The following PRPF40B variants were observed in gnomAD, a reference collection of about 807,000 sequenced individuals.
The protein encoded by PRPF40B is pre-mRNA-processing factor 40 homolog B.
Under a neutral mutation model 124.5 loss-of-function variants are expected in PRPF40B, and 56 were observed. The ratio of observed to expected loss-of-function variants is 0.45; its 90% CI spans 0.36 to 0.56. PRPF40B has a LOEUF of 0.56. PRPF40B is among the 20% of genes least tolerant of loss of function. The pLI is 0.00. For synonymous variants in PRPF40B, 443 were observed against 426.4 expected (o/e 1.04, Z -0.48); for missense variants, 1,053 against 1,169.5 (o/e 0.90, Z 1.45).
intron 1 of PRPF40B, among the ~76,000 whole-genome samples, chr12:49,624,919 G>A (rs1194835477): frequency 6.6e-6 from 1 of 152,110 alleles, no homozygotes; most frequent in Non-Finnish European, 1.5e-5. Flanking sequence ...AGGAAGAGTA[G>A]GGCTGGTCCA....
chr12:49,633,354 G>A (rs1394638015), intron 7 of PRPF40B, 73 bp from the exon 8 acceptor site: 1 of 1,595,556 alleles, frequency 6.3e-7, no homozygotes, highest in Non-Finnish European at 8.6e-7. Flanking sequence ...TACTCACTAG[G>A]TCCCCTTAGC....
intron 15 of PRPF40B, 40 bp downstream of exon 15, chr12:49,636,033 T>C (rs1941761430): frequency 6.2e-7 from 1 of 1,610,348 alleles, no homozygotes; most frequent in Admixed American, 1.7e-5. Context: ...CCTTTCCCTT[T>C]CTTTACTGGA....
At position 49,642,314 on chromosome 12, in the gene PRPF40B, T is replaced by C. The variant is rs1460013196; in HGVS notation, c.1964T>C (p.Phe655Ser). Residue 655 changes from phenylalanine to serine, a missense_variant, in exon 20 of 26, where the codon TTT becomes TCT. Physicochemically the swap from Phe to Ser is radical, Grantham distance 155 (BLOSUM62 -2). Coordinates refer to ENST00000548825, the MANE Select transcript of PRPF40B (RefSeq NM_001031698.3). The surrounding 1 kb of genome is among the most constrained non-coding windows in gnomAD (Gnocchi z 5.8). ...ARRMRRREAAFRSMLRQAVPA... is the reference protein window; with the variant it reads ...ARRMRRREAASRSMLRQAVPA... ...AGGATGCGGCGCAGGGAAGCTGCCTTTCGAAGCATGCTGAGGCAGGCTGTG... is the reference window on the plus strand; with the variant it reads ...AGGATGCGGCGCAGGGAAGCTGCCTCTCGAAGCATGCTGAGGCAGGCTGTG... 1 of 1,614,130 alleles carries C rather than the reference T, an allele frequency of 6.2e-7. No individual in the cohort carries two copies.
chr12:49,631,756 G>A lies in PRPF40B; in HGVS notation c.229-104G>A. 2 of 1,307,872 alleles carry A rather than the reference G, an allele frequency of 1.5e-6. No homozygotes were observed. The highest frequency in any genetic ancestry group is 1.5e-5 in the African/African-American group (1 of 68,762). The allele number at this position is 1,307,872 out of a possible 1,614,324, so 81.0% of individuals were successfully genotyped here. On this transcript the variant is annotated intron_variant, in intron 3 of 25. Transcript: ENST00000548825. The surrounding 1 kb of genome is among the most constrained non-coding windows in gnomAD (Gnocchi z 4.3). ...TTGCCTGAGGAAGTGCCCAAGTGAG[G>A]GTCATGGCTCCAGTGAGATGTCTCA...
chr12:49,632,996 G>GCA lies in PRPF40B; in HGVS notation c.349-17_349-16insAC. 1 of 1,147,382 alleles carries GCA rather than the reference G, an allele frequency of 8.7e-7. No homozygotes were observed. Among genetic ancestry groups the GCA allele is most frequent in the Non-Finnish European group, 1.2e-6 (1 of 823,006 alleles). 71.1% of individuals were successfully genotyped at this position (1,147,382 alleles called of 1,614,324 possible). A position where few individuals can be genotyped will look rare whatever the true frequency, so the allele number is the denominator to read the frequency against. On this transcript the variant is annotated splice_polypyrimidine_tract_variant and intron_variant, in intron 6 of 25. Transcript: ENST00000548825. ...AAAGGGGCCTTGACCACCATTCTGT[G>GCA]CCCCCCCCCCCACCCAGAGGGCCCT... is the stretch of plus-strand genomic sequence containing the variant.
At chr12:49,633,605 G>A (rs1941457744) in intron 8 of PRPF40B, 32 bp from the exon 9 acceptor site, 1 of 1,614,120 alleles carries the variant, frequency 6.2e-7, no homozygotes, top group African/African-American at 1.3e-5. Context: ...TATTGCCCCT[G>A]TGACTGACTG....
At chr12:49,637,851 A>T in intron 18 of PRPF40B, 27 bp downstream of exon 18, 1 of 1,550,404 alleles carries the variant, frequency 6.4e-7, no homozygotes, top group Non-Finnish European at 8.9e-7. Flanking sequence ...TTATGGATGG[A>T]TACAGGATGG....
In PRPF40B at chr12:49,634,609, C is replaced by T. The variant is rs1434190986; in HGVS notation, c.1001+7C>T. On this transcript the variant is annotated splice_region_variant and intron_variant, in intron 12 of 25. Transcript: ENST00000548825. Reference sequence around the variant, plus strand: ...TCACCGACCCCCGTTACAGGTAGGCCTGGGCAGAGGGAGCCAGGCCCTGTT... The same window carrying T: ...TCACCGACCCCCGTTACAGGTAGGCTTGGGCAGAGGGAGCCAGGCCCTGTT... The T allele has an allele frequency of 1.9e-6, 3 of 1,613,972 alleles. No homozygotes were observed. Among genetic ancestry groups the T allele is most frequent in the South Asian group, 2.2e-5 (2 of 91,092 alleles).
intron 1 of PRPF40B, among the ~76,000 whole-genome samples, chr12:49,628,412 C>T (rs1182264179): frequency 1.1e-4 from 16 of 152,204 alleles, no homozygotes; most frequent in African/African-American, 3.6e-4. Context: ...AGGCGTGTGC[C>T]ACCACACCTG....
Position 49,631,614 on chromosome 12 carries a change from G to C in PRPF40B, c.228+70G>C, listed in dbSNP as rs1941235901. ...TTAGCTGGGGGTGGAGATAAGAGCG[G>C]GCATGTAGGCCTCAGAAACTGGGGA... is the stretch of plus-strand genomic sequence containing the variant. On this transcript the variant is annotated intron_variant, in intron 3 of 25. Coordinates refer to ENST00000548825, the MANE Select transcript of PRPF40B (RefSeq NM_001031698.3). The surrounding 1 kb of genome is among the most constrained non-coding windows in gnomAD (Gnocchi z 4.3). The C allele has an allele frequency of 1.3e-6, 2 of 1,500,382 alleles. No individual in the cohort carries two copies. Among genetic ancestry groups the C allele is most frequent in the African/African-American group, 1.4e-5 (1 of 71,308 alleles). The allele number at this position is 1,500,382 out of a possible 1,614,324, so 92.9% of individuals were successfully genotyped here.
Position 49,633,017 on chromosome 12 carries a change from G to A in PRPF40B, c.352G>A (p.Ala118Thr). Residue 118 changes from alanine to threonine, a missense_variant, in exon 7 of 26, where the codon GCC becomes ACC. Around this residue, in one of 2 missense-constraint regions of PRPF40B, gnomAD observed 895 missense variants for 1,052.2 expected, o/e 0.85. Coordinates refer to ENST00000548825, the MANE Select transcript of PRPF40B (RefSeq NM_001031698.3). Reference sequence around the variant, plus strand: ...CTGTGCCCCCCCCCCCACCCAGAGGGCCCTATGGAGTGAGCATGTGGCCCC... The same window carrying A: ...CTGTGCCCCCCCCCCCACCCAGAGGACCCTATGGAGTGAGCATGTGGCCCC... The part of the protein sequence containing the change: ...SAVAGTGPPR[A>T]LWSEHVAPDG... 1 of 866,338 alleles carries A rather than the reference G, an allele frequency of 1.2e-6. No homozygotes were observed. 53.7% of individuals were successfully genotyped at this position (866,338 alleles called of 1,614,324 possible).
At position 49,626,472 on chromosome 12, in the gene PRPF40B, A is replaced by T. The variant is rs559139859; in HGVS notation, c.3+2879A>T. ...AAGGGACACAGGTAGGAGTGTGTGT[A>T]TGTGTGTGGGATAGTCATAAGGGTA... On this transcript the variant is annotated intron_variant, in intron 1 of 25. Transcript: ENST00000548825. 3.9e-5 allele frequency among the ~76,000 whole-genome samples: 6 copies of T among 152,258 alleles called. No homozygotes were observed. In the East Asian group the frequency reaches 1.2e-3, roughly 29 times the overall value.
intron 1 of PRPF40B, chr12:49,624,032 T>C (rs1940465440): frequency 2.0e-6 from 2 of 996,296 alleles, no homozygotes; most frequent in Non-Finnish European, 2.4e-6. Context: ...GCCTGGGTGC[T>C]CCTCAGACCA....
Position 49,644,423 on chromosome 12 carries a change from T to C in PRPF40B, c.*231T>C, listed in dbSNP as rs1296291975. 5 of 556,668 alleles carry C rather than the reference T, an allele frequency of 9.0e-6. No homozygotes were observed. The highest frequency in any genetic ancestry group is 1.6e-5 in the Non-Finnish European group (5 of 307,368). 34.5% of individuals were successfully genotyped at this position (556,668 alleles called of 1,614,324 possible). On this transcript the variant is annotated 3_prime_UTR_variant, in exon 26 of 26. Transcript: ENST00000548825. Reference sequence around the variant, plus strand: ...CCCTCAGCCCCAGACCAGAGATGGGTGGTATATGCCATGTGGGGTGGGTGA... The same window carrying C: ...CCCTCAGCCCCAGACCAGAGATGGGCGGTATATGCCATGTGGGGTGGGTGA...
At position 49,634,084 on chromosome 12, in the gene PRPF40B, C is replaced by A. The variant is rs755617264; in HGVS notation, c.804C>A (p.Gly268=). Residue 268 remains glycine, a synonymous_variant, in exon 10 of 26, where the codon GGC becomes GGA. Coordinates refer to ENST00000548825, the MANE Select transcript of PRPF40B (RefSeq NM_001031698.3). ...EQGFLQQLEE[G]PSSSGQHQPQ... ...GGTTCCTGCAGCAGCTGGAGGAGGG[C>A]CCCAGCAGGTGAGGGCTGCCCCCCA... 6.2e-7 allele frequency: 1 copy of A among 1,612,182 alleles called. No individual in the cohort carries two copies. The highest frequency in any genetic ancestry group is 1.3e-5 in the African/African-American group (1 of 74,882).
intron 9 of PRPF40B, 21 bp from the exon 10 acceptor site, chr12:49,633,865 G>A (rs771429569): frequency 1.2e-5 from 19 of 1,613,190 alleles, no homozygotes; most frequent in South Asian, 4.4e-5. Flanking sequence ...CCTGGACACC[G>A]CCCTTCTGGC....
In PRPF40B at chr12:49,635,423, C is replaced by T. The variant is rs1941679456; in HGVS notation, c.1225C>T (p.Arg409Ter). Residue 409 changes from arginine (R) to a stop codon, truncating the protein, a stop_gained, in exon 14 of 26, where the codon CGA (arginine) becomes TGA (stop). Coordinates refer to ENST00000548825, the MANE Select transcript of PRPF40B (RefSeq NM_001031698.3). LOFTEE classifies it high-confidence loss of function. This position sits in a 1 kb window ranked among gnomAD's most constrained non-coding sequence, Gnocchi z 4.1. Reference protein sequence around the residue: ...EVWAVVPERDRKEVYDDVLFF... With the variant: ...EVWAVVPERD ...CTGGGCTGTGGTCCCTGAGAGGGAT[C>T]GAAAAGAGGTTTATGATGATGTCCT... 1 of 1,613,850 alleles carries T rather than the reference C, an allele frequency of 6.2e-7. No homozygotes were observed. The highest frequency in any genetic ancestry group is 8.5e-7 in the Non-Finnish European group (1 of 1,179,992).
At chr12:49,623,253 G>A (rs1348886854), upstream of PRPF40B, among the ~76,000 whole-genome samples, 2 of 151,812 alleles carry the variant, frequency 1.3e-5, no homozygotes, top group Admixed American at 6.6e-5. Flanking sequence ...GAGCGCCGGC[G>A]ACTGCGAAGC....
At chr12:49,637,681 C>T (rs1942029843) in intron 17 of PRPF40B, 52 bp from the exon 18 acceptor site, 11 of 1,526,384 alleles carry the variant, frequency 7.2e-6, no homozygotes, top group Non-Finnish European at 9.9e-6. Context: ...GCCCAGCCCC[C>T]AGGCCTTGGG....
Sources: gnomAD v4.1 joint callset for allele counts (sites outside exome capture counted in the v4.1 genomes callset) on GRCh38, gnomAD v4.1.1 for gene constraint, gnomAD v4.1.1 regional missense constraint, Gnocchi (gnomAD v3.1) non-coding constraint, MANE v1.5 for transcripts, NCBI Gene and HGNC (gene_info 2026-07-23, HGNC 2026-07-21) for gene names.